The following TXLNB variants were observed in gnomAD, a reference collection of about 807,000 sequenced individuals.
TXLNB encodes the protein beta-taxilin.
Under a neutral mutation model 57.4 loss-of-function variants are expected in TXLNB, and 37 were observed. The observed-to-expected ratio is 0.64, with a 90% CI of 0.50 to 0.85. TXLNB has a LOEUF of 0.85. TXLNB is among the 40% of genes least tolerant of loss of function. The pLI, the probability that TXLNB is intolerant of heterozygous loss-of-function variation, is 0.00. For missense variants in TXLNB, 848 were observed against 825.6 expected, an observed-to-expected ratio of 1.03 and a Z score of -0.33; for synonymous variants, 302 against 309.6, an observed-to-expected ratio of 0.98 and a Z score of 0.26.
chr6:139,204,767 A>G, the TXLNB span, among the ~76,000 whole-genome samples: 2 of 152,160 alleles, frequency 1.3e-5, no homozygotes, highest in Non-Finnish European at 2.9e-5. Context: ...CAGCACTGTT[A>G]GCAGGGCATT....
chr6:139,162,852 C>T, the TXLNB span, among the ~76,000 whole-genome samples: 10 of 152,148 alleles, frequency 6.6e-5, no homozygotes, highest in Non-Finnish European at 1.2e-4. Flanking sequence ...TGTCTTTAAG[C>T]TGTCGTGAGG....
At chr6:139,289,364 C>T (rs925088512) in intron 1 of TXLNB, among the ~76,000 whole-genome samples, 5 of 152,200 alleles carry the variant, frequency 3.3e-5, no homozygotes, top group Admixed American at 3.3e-4. Context: ...AACCCTCTCA[C>T]GTGCACGCAC....
the TXLNB span, among the ~76,000 whole-genome samples, chr6:139,314,231 C>A: frequency 6.6e-6 from 1 of 152,174 alleles, no homozygotes. Flanking sequence ...AACTAAGACT[C>A]TGGGACCTTT....
At chr6:139,285,671 G>T (rs1452862583) in intron 2 of TXLNB, among the ~76,000 whole-genome samples, 1 of 145,090 alleles carries the variant, frequency 6.9e-6, no homozygotes, top group Non-Finnish European at 1.5e-5. Context: ...GTAGCAATGG[G>T]TTTTAGCATC....
chr6:139,307,237 TG>T, the TXLNB span, among the ~76,000 whole-genome samples: 3 of 152,220 alleles, frequency 2.0e-5, no homozygotes, highest in Non-Finnish European at 2.9e-5. Context: ...GGTCTCACTT[TG>T]CCGCTCAGGC....
rs979628601 is a variant in TXLNB, at chr6:139,242,359, C to A, written c.*167G>T. On this transcript the variant is annotated 3_prime_UTR_variant, in exon 10 of 10. Coordinates refer to ENST00000358430, the MANE Select transcript of TXLNB (RefSeq NM_153235.4). ...CTTCAAATCAGCTATAAATTGACAA[C>A]AAATAGCAAAGTCTGAATGAATGTG... 9.9e-6 allele frequency: 5 copies of A among 504,582 alleles called. No individual in the cohort carries two copies. The highest frequency in any genetic ancestry group is 1.6e-5 in the Non-Finnish European group (5 of 320,136). The allele number at this position is 504,582 out of a possible 1,614,324, so 31.3% of individuals were successfully genotyped here. A position where few individuals can be genotyped will look rare whatever the true frequency, so the allele number is the denominator to read the frequency against.
At chr6:139,223,068 T>C in the TXLNB span, among the ~76,000 whole-genome samples, 4 of 152,240 alleles carry the variant, frequency 2.6e-5, no homozygotes, top group African/African-American at 9.6e-5. Context: ...ATTGACTGTA[T>C]GCAAAACTAT....
intron 2 of TXLNB, chr6:139,286,992 G>A (rs6942334): frequency 0.079 from 12,058 of 153,004 alleles, 1,560 homozygotes; most frequent in African/African-American, 0.27. Flanking sequence ...GAATCATCCC[G>A]AAACTATCCC....
the TXLNB span, among the ~76,000 whole-genome samples, chr6:139,317,925 C>T: frequency 6.6e-6 from 1 of 151,790 alleles, no homozygotes; most frequent in Non-Finnish European, 1.5e-5. Context: ...ATTTAAAAAA[C>T]AGAAGAAAAG....
the TXLNB span, among the ~76,000 whole-genome samples, chr6:139,168,245 C>T: frequency 2.0e-5 from 3 of 152,030 alleles, no homozygotes; most frequent in African/African-American, 4.8e-5. Flanking sequence ...CATCCCCCTC[C>T]TCCTTCCTCT....
At chr6:139,190,467 G>T in the TXLNB span, among the ~76,000 whole-genome samples, 1 of 151,920 alleles carries the variant, frequency 6.6e-6, no homozygotes, top group African/African-American at 2.4e-5. Context: ...CCACCGCCAT[G>T]CCCAGCTAAT....
rs564454873 is a variant in TXLNB, at chr6:139,242,503, A to C, written c.*23T>G. 1 of 1,465,362 alleles carries C rather than the reference A, an allele frequency of 6.8e-7. No individual in the cohort carries two copies. The highest frequency in any genetic ancestry group is 2.5e-5 in the East Asian group (1 of 40,574). The allele number at this position is 1,465,362 out of a possible 1,614,324, so 90.8% of individuals were successfully genotyped here. A position where few individuals can be genotyped will look rare whatever the true frequency, so the allele number is the denominator to read the frequency against. ...CTGAATATGCAAAGAGGCAGGAAGA[A>C]GCCTCTGAAGGCACGGTGAGGCTTA... On this transcript the variant is annotated 3_prime_UTR_variant, in exon 10 of 10. Transcript: ENST00000358430.
the TXLNB span, among the ~76,000 whole-genome samples, chr6:139,206,281 G>A: frequency 6.6e-6 from 1 of 152,160 alleles, no homozygotes; most frequent in East Asian, 1.9e-4. Context: ...AAAAAACAAG[G>A]TATTTAGGCA....
At chr6:139,160,520 C>A in the TXLNB span, among the ~76,000 whole-genome samples, 1 of 152,186 alleles carries the variant, frequency 6.6e-6, no homozygotes, top group South Asian at 2.1e-4. Flanking sequence ...CTCACTTGAT[C>A]CTTCCACCTC....
the TXLNB span, among the ~76,000 whole-genome samples, chr6:139,233,446 G>A: frequency 2.1e-5 from 3 of 144,298 alleles, no homozygotes; most frequent in African/African-American, 5.3e-5. Flanking sequence ...TAGATAGATA[G>A]ATATTTTTTT....
the TXLNB span, among the ~76,000 whole-genome samples, chr6:139,206,342 G>T: frequency 2.8e-4 from 43 of 152,236 alleles, no homozygotes; most frequent in African/African-American, 1.0e-3. Flanking sequence ...TACTAACATT[G>T]AATGTAAATG....
chr6:139,206,437 G>T, the TXLNB span, among the ~76,000 whole-genome samples: 27 of 152,316 alleles, frequency 1.8e-4, no homozygotes, highest in Admixed American at 1.7e-3. Flanking sequence ...GGGAGGCCAA[G>T]GTGGGCGGAT....
intron 4 of TXLNB, among the ~76,000 whole-genome samples, chr6:139,266,068 C>T (rs1776607935): frequency 6.6e-6 from 1 of 152,068 alleles, no homozygotes; most frequent in Non-Finnish European, 1.5e-5. Flanking sequence ...GCTCAAGAGA[C>T]AAAGTTTATG....
the TXLNB span, among the ~76,000 whole-genome samples, chr6:139,313,690 TA>T: frequency 2.0e-5 from 3 of 152,178 alleles, no homozygotes; most frequent in African/African-American, 7.2e-5. Context: ...TGAGCTGCTA[TA>T]TTTTTTTTTA....
Sources: gnomAD v4.1 joint callset for allele counts (sites outside exome capture counted in the v4.1 genomes callset) on GRCh38, gnomAD v4.1.1 for gene constraint, MANE v1.5 for transcripts, NCBI Gene and HGNC (gene_info 2026-07-23, HGNC 2026-07-21) for gene names.